Variants in HMGXB4 observed in about 807,000 individuals in gnomAD.
The protein encoded by HMGXB4 is HMG-box containing 4.
A neutral mutation model predicts 63.9 loss-of-function variants in HMGXB4; 27 were observed. The ratio of observed to expected loss-of-function variants is 0.42; its 90% CI spans 0.31 to 0.58. The LOEUF (loss-of-function observed/expected upper bound fraction) is 0.58. Ranked by LOEUF, HMGXB4 falls within the 20% of genes least tolerant of loss-of-function variation. The pLI is 0.13. For synonymous variants in HMGXB4, 264 were observed against 265.3 expected, an observed-to-expected ratio of 0.99 and a Z score of 0.05; for missense variants, 624 against 700.7, an observed-to-expected ratio of 0.89 and a Z score of 1.24.
chr22:35,244,297 CTTT>C, the HMGXB4 span, among the ~76,000 whole-genome samples: 7 of 122,204 alleles, frequency 5.7e-5, no homozygotes, highest in East Asian at 2.3e-4. Context: ...TTTCTTTTTT[CTTT>C]TTTTTTTTTT....
chr22:35,254,981 C>T (rs1922328468), upstream of HMGXB4, among the ~76,000 whole-genome samples: 1 of 152,080 alleles, frequency 6.6e-6, no homozygotes, highest in Non-Finnish European at 1.5e-5. Flanking sequence ...ACTGTTTTTG[C>T]CTACCTAACA....
At chr22:35,263,376 C>G in intron 3 of HMGXB4, 150 bp downstream of exon 3, 1 of 672,130 alleles carries the variant, frequency 1.5e-6, no homozygotes, top group South Asian at 2.1e-5. Flanking sequence ...CTTCGACTCC[C>G]AGGTTCAAGC....
chr22:35,290,084 C>T (rs917666776), intron 9 of HMGXB4, among the ~76,000 whole-genome samples: 4 of 152,086 alleles, frequency 2.6e-5, no homozygotes, highest in Middle Eastern at 3.2e-3. Flanking sequence ...CATATAGGCT[C>T]GATATCTGAA....
At chr22:35,265,733 A>G in intron 5 of HMGXB4, 130 bp downstream of exon 5, 3 of 1,276,712 alleles carry the variant, frequency 2.3e-6, no homozygotes, top group Non-Finnish European at 3.1e-6. Flanking sequence ...ATATGTTGGA[A>G]TGATATAAAG....
At chr22:35,261,080 T>C (rs149804972) in intron 1 of HMGXB4, among the ~76,000 whole-genome samples, 156 of 152,358 alleles carry the variant, frequency 1.0e-3, no homozygotes, top group African/African-American at 3.4e-3. Flanking sequence ...TTCCAAAATA[T>C]TTAATATGTA....
chr22:35,289,874 A>G (rs1484940297), intron 9 of HMGXB4, among the ~76,000 whole-genome samples: 1 of 152,252 alleles, frequency 6.6e-6, no homozygotes, highest in African/African-American at 2.4e-5. Context: ...CATTTCAGCA[A>G]AGAAGTCAGT....
chr22:35,289,733 A>G (rs1601644705), intron 9 of HMGXB4, among the ~76,000 whole-genome samples: 2 of 152,188 alleles, frequency 1.3e-5, no homozygotes, highest in Non-Finnish European at 1.5e-5. Flanking sequence ...TTAAGCTTCA[A>G]TTTCAAAAAT....
chr22:35,251,199 C>T, the HMGXB4 span, among the ~76,000 whole-genome samples: 4 of 152,026 alleles, frequency 2.6e-5, no homozygotes, highest in South Asian at 2.1e-4. Flanking sequence ...CTCAGCCTCC[C>T]GAGTAGCTGG....
chr22:35,251,151 T>C, the HMGXB4 span, among the ~76,000 whole-genome samples: 2 of 151,974 alleles, frequency 1.3e-5, no homozygotes, highest in African/African-American at 2.4e-5. Context: ...CTTGGCTCAC[T>C]GTAAGCTCCG....
the HMGXB4 span, among the ~76,000 whole-genome samples, chr22:35,247,537 C>T: frequency 6.6e-6 from 1 of 152,312 alleles, no homozygotes; most frequent in Non-Finnish European, 1.5e-5. Context: ...GAATGCCAGC[C>T]ACTTTGGCCT....
At chr22:35,252,432 A>G in the HMGXB4 span, among the ~76,000 whole-genome samples, 1 of 152,158 alleles carries the variant, frequency 6.6e-6, no homozygotes, top group Non-Finnish European at 1.5e-5. Flanking sequence ...GAGCTTGACT[A>G]TTACAGAGAC....
intron 5 of HMGXB4, among the ~76,000 whole-genome samples, chr22:35,266,379 G>A (rs1041790239): frequency 2.6e-5 from 4 of 152,238 alleles, no homozygotes; most frequent in East Asian, 3.9e-4. Context: ...TTTTAGTGTC[G>A]AATATATGTT....
intron 5 of HMGXB4, among the ~76,000 whole-genome samples, chr22:35,281,343 C>A (rs1924232057): frequency 6.6e-6 from 1 of 152,216 alleles, no homozygotes; most frequent in Non-Finnish European, 1.5e-5. Context: ...AAAAGCTTAT[C>A]CTCCTAACTA....
chr22:35,263,300 G>GTTTTTTTTTTT (rs878951590), intron 3 of HMGXB4, 74 bp downstream of exon 3: 2 of 754,088 alleles, frequency 2.7e-6, no homozygotes, highest in African/African-American at 1.9e-5. Context: ...GTTTTTTTTT[G>GTTTTTTTTTTT]TTTTTTTTTT....
chr22:35,288,835 A>C (rs1375865954), intron 9 of HMGXB4, among the ~76,000 whole-genome samples: 1 of 152,238 alleles, frequency 6.6e-6, no homozygotes, highest in Non-Finnish European at 1.5e-5. Flanking sequence ...CATATATTCA[A>C]AAAATTTAAA....
At position 35,279,677 on chromosome 22, in the gene HMGXB4, CTTTT is replaced by C. The variant is rs35564206; in HGVS notation, c.1216-4266_1216-4263del. 4.6e-3 allele frequency among the ~76,000 whole-genome samples: 251 copies of C among 55,154 alleles called. 2 individuals are homozygous for C. The East Asian group carries it at 0.065, about 14-fold the overall frequency. 36.2% of individuals were successfully genotyped at this position (55,154 alleles called of 152,430 possible). On this transcript the variant is annotated intron_variant, in intron 5 of 10. Transcript: ENST00000216106. ...GGGGGTGAGGTCTGTGTCTAGATTC[CTTTT>C]TTTTTTTTTTTTTTTTTTGGCATGT...
At position 35,281,050 on chromosome 22, in the gene HMGXB4, T is replaced by C. The variant is rs184365597; in HGVS notation, c.1216-2912T>C. ...ATTCCCAGTGTCTGGCACATATGGATACTCAGTAAATATTATTAATAAATG... is the reference window on the plus strand; with the variant it reads ...ATTCCCAGTGTCTGGCACATATGGACACTCAGTAAATATTATTAATAAATG... On this transcript the variant is annotated intron_variant, in intron 5 of 10. Transcript: ENST00000216106. Among the ~76,000 whole-genome samples the C allele has an allele frequency of 2.6e-5, 4 of 152,356 alleles. No individual in the cohort carries two copies. The East Asian group carries it at 5.8e-4, about 22-fold the overall frequency.
intron 9 of HMGXB4, among the ~76,000 whole-genome samples, 175 bp from the exon 10 acceptor site, chr22:35,292,816 TA>T (rs1925009734): frequency 6.6e-6 from 1 of 152,260 alleles, no homozygotes; most frequent in Non-Finnish European, 1.5e-5. Context: ...GAATGTGCTG[TA>T]AAAGTTTTCT....
intron 5 of HMGXB4, among the ~76,000 whole-genome samples, chr22:35,267,765 C>T (rs1923349540): frequency 6.6e-6 from 1 of 152,212 alleles, no homozygotes; most frequent in Non-Finnish European, 1.5e-5. Context: ...AACTGTATCT[C>T]CTCCACCAGG....
Sources: gnomAD v4.1 joint callset for allele counts (sites outside exome capture counted in the v4.1 genomes callset) on GRCh38, gnomAD v4.1.1 for gene constraint, MANE v1.5 for transcripts, NCBI Gene and HGNC (gene_info 2026-07-23, HGNC 2026-07-21) for gene names.